Variants in SORCS3 observed in about 807,000 individuals in gnomAD.
The protein encoded by SORCS3 is VPS10 domain-containing receptor SorCS3.
Under a neutral mutation model 146.3 loss-of-function variants are expected in SORCS3, and 57 were observed. That is an observed-to-expected ratio of 0.39 (90% confidence interval 0.31 to 0.49). The LOEUF (loss-of-function observed/expected upper bound fraction) is 0.49, where lower values mean the gene tolerates loss of function less well. Ranked by LOEUF, SORCS3 falls within the 20% of genes least tolerant of loss-of-function variation. SORCS3 has a pLI of 0.92. For missense variants in SORCS3, 1,341 were observed against 1,575.5 expected, an observed-to-expected ratio of 0.85 and a Z score of 2.52; for synonymous variants, 653 against 618.5, an observed-to-expected ratio of 1.06 and a Z score of -0.83.
intron 2 of SORCS3, among the ~76,000 whole-genome samples, chr10:104,886,570 CTATCT>C (rs1453724921): frequency 5.3e-5 from 8 of 151,502 alleles, no homozygotes; most frequent in African/African-American, 1.5e-4. Context: ...ATCTATCTAT[CTATCT>C]ATCTATCTAT....
chr10:105,151,493 C>T (rs1203643590), intron 9 of SORCS3, among the ~76,000 whole-genome samples: 1 of 152,126 alleles, frequency 6.6e-6, no homozygotes, highest in Non-Finnish European at 1.5e-5. Flanking sequence ...TTCCCCTTGA[C>T]TCAAAGGTTC....
intron 14 of SORCS3, among the ~76,000 whole-genome samples, chr10:105,192,264 C>G (rs1007883260): frequency 2.0e-5 from 3 of 152,030 alleles, no homozygotes; most frequent in Non-Finnish European, 2.9e-5. Flanking sequence ...CTTTTATCCT[C>G]CAATCAAAAC....
intron 1 of SORCS3, among the ~76,000 whole-genome samples, chr10:104,829,466 C>T (rs74155047): frequency 5.9e-5 from 9 of 151,906 alleles, no homozygotes; most frequent in East Asian, 1.9e-4. Flanking sequence ...TGGAAAGGTA[C>T]GGGAAAGTTG....
intron 1 of SORCS3, among the ~76,000 whole-genome samples, chr10:104,752,823 T>C (rs1246295063): frequency 1.3e-5 from 2 of 152,186 alleles, no homozygotes; most frequent in East Asian, 3.9e-4. Context: ...CAACTTAAAA[T>C]AGAGAGTTTA....
At chr10:105,027,729 C>T (rs1237171137) in intron 4 of SORCS3, among the ~76,000 whole-genome samples, 1 of 152,128 alleles carries the variant, frequency 6.6e-6, no homozygotes, top group Non-Finnish European at 1.5e-5. Flanking sequence ...TATTTTGTGC[C>T]ACATATTTTG....
chr10:105,191,786 C>T (rs779284510), intron 14 of SORCS3, among the ~76,000 whole-genome samples: 22 of 152,160 alleles, frequency 1.4e-4, no homozygotes, highest in Non-Finnish European at 2.1e-4. Flanking sequence ...GGTTCATGCT[C>T]CTGTGAGAAT....
chr10:104,848,316 G>A (rs892349077), intron 2 of SORCS3, among the ~76,000 whole-genome samples: 2 of 151,862 alleles, frequency 1.3e-5, no homozygotes, highest in African/African-American at 2.4e-5. Context: ...GACCTTTCTC[G>A]GGGATGCTGC....
intron 2 of SORCS3, among the ~76,000 whole-genome samples, chr10:104,871,624 G>T (rs180769846): frequency 2.0e-5 from 3 of 152,126 alleles, no homozygotes; most frequent in African/African-American, 7.2e-5. Flanking sequence ...TATTCTTAGC[G>T]TGCCCATCTG....
intron 2 of SORCS3, among the ~76,000 whole-genome samples, chr10:104,872,068 CACA>C (rs2018524413): frequency 6.6e-6 from 1 of 152,124 alleles, no homozygotes. Flanking sequence ...GAATAAAGTA[CACA>C]AAGTATACAT....
At chr10:105,013,930 G>A (rs953214142) in intron 4 of SORCS3, among the ~76,000 whole-genome samples, 3 of 151,150 alleles carry the variant, frequency 2.0e-5, no homozygotes, top group African/African-American at 7.3e-5. Context: ...AGAGATATCA[G>A]AAGTTATTGT....
intron 1 of SORCS3, among the ~76,000 whole-genome samples, chr10:104,783,420 G>A (rs1381954333): frequency 1.3e-5 from 2 of 152,204 alleles, no homozygotes; most frequent in African/African-American, 4.8e-5. Flanking sequence ...AAGCCTGAAA[G>A]TCTAAACCTC....
intron 3 of SORCS3, among the ~76,000 whole-genome samples, chr10:104,935,450 G>T (rs1373872339): frequency 6.6e-6 from 1 of 152,180 alleles, no homozygotes; most frequent in African/African-American, 2.4e-5. Context: ...CTAGGGTGGG[G>T]TCCAGGGTTG....
intron 1 of SORCS3, among the ~76,000 whole-genome samples, chr10:104,680,820 G>A (rs778030674): frequency 2.0e-5 from 3 of 152,212 alleles, no homozygotes; most frequent in Non-Finnish European, 2.9e-5. Context: ...CTGCAGGTGC[G>A]CCCTTGTGGA....
chr10:104,659,775 A>G (rs1485715648), intron 1 of SORCS3, among the ~76,000 whole-genome samples: 1 of 152,228 alleles, frequency 6.6e-6, no homozygotes, highest in African/African-American at 2.4e-5. Context: ...TAAAATGAGT[A>G]GGAAATGGTT....
At chr10:105,031,947 C>G (rs1564738699) in intron 4 of SORCS3, among the ~76,000 whole-genome samples, 1 of 152,166 alleles carries the variant, frequency 6.6e-6, no homozygotes, top group African/African-American at 2.4e-5. Context: ...AATCCCAGCA[C>G]TTTGGAAGGC....
intron 2 of SORCS3, among the ~76,000 whole-genome samples, chr10:104,911,484 T>C (rs911512015): frequency 2.6e-5 from 4 of 152,194 alleles, no homozygotes; most frequent in Non-Finnish European, 5.9e-5. Context: ...CGTACTATCT[T>C]TTGTGAGAGT....
intron 22 of SORCS3, 106 bp from the exon 23 acceptor site, chr10:105,252,669 T>C (rs750721116): frequency 1.8e-5 from 25 of 1,422,578 alleles, no homozygotes; most frequent in Non-Finnish European, 2.3e-5. Context: ...AAAGCTGCAT[T>C]TGAAAAACTC....
chr10:105,164,349 C>T lies in SORCS3; in HGVS notation c.1779C>T (p.Ile593=). 6.2e-7 allele frequency: 1 copy of T among 1,613,456 alleles called. No homozygotes were observed. Among genetic ancestry groups the T allele is most frequent in the Non-Finnish European group, 8.5e-7 (1 of 1,179,522 alleles). The part of the protein sequence containing the change: ...ELSYTDIGVF[I]SSDGGNTWRQ... ...CATATACTGATATTGGTGTGTTCAT[C>T]TCCTCCGATGGGGGCAACACATGGA... is the stretch of plus-strand genomic sequence containing the variant. The change falls in exon 12 of 27, where the codon ATC becomes ATT. Residue 593 remains isoleucine, a synonymous_variant. Transcript: ENST00000369701.
rs560453185 is a variant in SORCS3, at chr10:104,881,365, A to T, written c.696-34468A>T. Among the ~76,000 whole-genome samples, 507 of 152,336 alleles carry T rather than the reference A, an allele frequency of 3.3e-3. 2 individuals carry two copies. Among genetic ancestry groups the T allele is most frequent in the South Asian group, 0.018 (88 of 4,830 alleles). Reference sequence around the variant, plus strand: ...CCTGTCTATTTGTGAACTCTAGCTCAGTGCTTTGCTGGAGGGAAAAAGTTG... The same window carrying T: ...CCTGTCTATTTGTGAACTCTAGCTCTGTGCTTTGCTGGAGGGAAAAAGTTG... On this transcript the variant is annotated intron_variant, in intron 2 of 26. Coordinates refer to ENST00000369701, the MANE Select transcript of SORCS3 (RefSeq NM_014978.3).
Sources: allele counts gnomAD v4.1 joint callset (sites outside exome capture counted in the v4.1 genomes callset), GRCh38; gene constraint gnomAD v4.1.1; transcripts MANE v1.5; gene names NCBI Gene and HGNC (gene_info 2026-07-23, HGNC 2026-07-21).